BRIP1: variants seen among roughly 807,000 people sequenced by gnomAD.
BRIP1 encodes the protein BRCA1 interacting DNA helicase 1.
A neutral mutation model predicts 119.7 loss-of-function variants in BRIP1; 88 were observed. The observed-to-expected ratio is 0.74, with a 90% CI of 0.62 to 0.88. The LOEUF (loss-of-function observed/expected upper bound fraction) is 0.88. Ranked by LOEUF, BRIP1 falls within the 40% of genes least tolerant of loss-of-function variation. BRIP1 has a pLI of 0.00. For missense variants in BRIP1, 1,259 were observed against 1,455.4 expected (o/e 0.87, Z 2.20); for synonymous variants, 443 against 496.5 (o/e 0.89, Z 1.43).
rs553465508 is a variant in BRIP1 at position 61,815,928 on chromosome 17, C to T, written c.628-7171G>A. ...GCCATCTAAACAGGTACTGAATGCC[C>T]GTTGTGCAAAATCTCACATTAGCAC... On this transcript the variant is annotated intron_variant, in intron 6 of 19. Coordinates refer to ENST00000259008, the MANE Select transcript of BRIP1 (RefSeq NM_032043.3). This position sits in a 1 kb window ranked among gnomAD's most constrained non-coding sequence, Gnocchi z 4.1. Among the ~76,000 whole-genome samples the T allele has an allele frequency of 2.6e-5, 4 of 152,134 alleles. No homozygotes were observed. The highest frequency in any genetic ancestry group is 1.9e-4 in the East Asian group (1 of 5,198).
intron 10 of BRIP1, among the ~76,000 whole-genome samples, chr17:61,791,600 GTCTAGCAGAGAAGT>G (rs2077818858): frequency 6.6e-6 from 1 of 150,486 alleles, no homozygotes; most frequent in Non-Finnish European, 1.5e-5. Flanking sequence ...GAGTCTAAGA[GTCTAGCAGAGAAGT>G]TCCAGGACCC....
chr17:61,847,086 G>A lies in BRIP1; in HGVS notation c.627+15C>T. 6.2e-7 allele frequency: 1 copy of A among 1,613,442 alleles called. No homozygotes were observed. Among genetic ancestry groups the A allele is most frequent in the Non-Finnish European group, 8.5e-7 (1 of 1,179,650 alleles). ...TCTTCCTTCTTTAAAACTGAACAAT[G>A]GCATTAATACATACTTTCTGTGGCG... On this transcript the variant is annotated intron_variant, in intron 6 of 19. Transcript: ENST00000259008.
rs1299632506 is a variant in BRIP1 at position 61,679,209 on chromosome 17, GC to G, written c.*4086del. On this transcript the variant is annotated 3_prime_UTR_variant, in exon 20 of 20. Transcript: ENST00000259008. The surrounding 1 kb of genome is among the most constrained non-coding windows in gnomAD (Gnocchi z 4.4). ...AGTTGCAGAAAAATAACGGGGAAAA[GC>G]TTTTTGTTAAAATTAATGTTTTGAA... Among the ~76,000 whole-genome samples, 2 of 152,106 alleles carry G rather than the reference GC, an allele frequency of 1.3e-5. No homozygotes were observed. The highest frequency in any genetic ancestry group is 2.9e-5 in the Non-Finnish European group (2 of 67,984).
chr17:61,823,546 A>AT lies in BRIP1; in HGVS notation c.628-14790dup, dbSNP rs1347523591. Among the ~76,000 whole-genome samples, 3 of 152,256 alleles carry AT rather than the reference A, an allele frequency of 2.0e-5. No individual in the cohort carries two copies. The highest frequency in any genetic ancestry group is 2.0e-4 in the Admixed American group (3 of 15,286). ...AAATCGGCAATAGAAGGTAGACAAAATGAAGCACAAAGAAGAAAAAATAGC... is the reference window on the plus strand; with the variant it reads ...AAATCGGCAATAGAAGGTAGACAAAATTGAAGCACAAAGAAGAAAAAATAGC... On this transcript the variant is annotated intron_variant, in intron 6 of 19. Coordinates refer to ENST00000259008, the MANE Select transcript of BRIP1 (RefSeq NM_032043.3). The surrounding 1 kb of genome is among the most constrained non-coding windows in gnomAD (Gnocchi z 4.8).
intron 10 of BRIP1, among the ~76,000 whole-genome samples, chr17:61,791,720 C>T (rs7212172): frequency 0.79 from 119,672 of 151,428 alleles, 47,871 homozygotes; most frequent in African/African-American, 0.89. Context: ...GAAGTACAGC[C>T]CAGTGCCAAG....
At position 61,778,593 on chromosome 17, in the gene BRIP1, T is replaced by A. The variant is rs1441667254; in HGVS notation, c.1935+1668A>T. ...TATTATAATTCAGCGACATTATAGG[T>A]TAAATGGACTTTTGTGCAGTAGGCT... is the stretch of plus-strand genomic sequence containing the variant. On this transcript the variant is annotated intron_variant, in intron 13 of 19. Coordinates refer to ENST00000259008, the MANE Select transcript of BRIP1 (RefSeq NM_032043.3). The surrounding 1 kb of genome is among the most constrained non-coding windows in gnomAD (Gnocchi z 4.4). Among the ~76,000 whole-genome samples, 1 of 152,184 alleles carries A rather than the reference T, an allele frequency of 6.6e-6. No individual in the cohort carries two copies. The highest frequency in any genetic ancestry group is 1.5e-5 in the Non-Finnish European group (1 of 68,034).
Position 61,687,124 on chromosome 17 carries a change from C to A in BRIP1, c.2576-959G>T, listed in dbSNP as rs1367706282. Among the ~76,000 whole-genome samples the A allele has an allele frequency of 6.6e-6, 1 of 151,996 alleles. No individual in the cohort carries two copies. Among genetic ancestry groups the A allele is most frequent in the Non-Finnish European group, 1.5e-5 (1 of 68,014 alleles). ...GTGTGGTGGCTCACATGTATAATCC[C>A]AGCATTTGGGGAGGCTGAGGTGGGA... On this transcript the variant is annotated intron_variant, in intron 18 of 19. Transcript: ENST00000259008. The surrounding 1 kb of genome is among the most constrained non-coding windows in gnomAD (Gnocchi z 5.1).
At chr17:61,721,793 G>A (rs1012305940) in intron 16 of BRIP1, among the ~76,000 whole-genome samples, 1 of 147,026 alleles carries the variant, frequency 6.8e-6, no homozygotes, top group Non-Finnish European at 1.5e-5. Context: ...CACCTCCTGG[G>A]TTGAAGTGAT....
intron 16 of BRIP1, among the ~76,000 whole-genome samples, chr17:61,741,098 A>T (rs2076980754): frequency 6.6e-6 from 1 of 152,188 alleles, no homozygotes; most frequent in African/African-American, 2.4e-5. Flanking sequence ...CTTTGTTGTC[A>T]TTTCAACAAT....
rs1363341407 is a variant in BRIP1, at chr17:61,789,469, T to C, written c.1473+4128A>G. Among the ~76,000 whole-genome samples, 1 of 152,132 alleles carries C rather than the reference T, an allele frequency of 6.6e-6. No homozygotes were observed. Among genetic ancestry groups the C allele is most frequent in the East Asian group, 1.9e-4 (1 of 5,200 alleles). On this transcript the variant is annotated intron_variant, in intron 10 of 19. Coordinates refer to ENST00000259008, the MANE Select transcript of BRIP1 (RefSeq NM_032043.3). The surrounding 1 kb of genome is among the most constrained non-coding windows in gnomAD (Gnocchi z 4.8). ...AAATGAATCCAAGGCTTTGTAAAAG[T>C]ATTTATAAATCCCATCCTTTATAAA...
Position 61,846,378 on chromosome 17 carries a change from T to C in BRIP1, c.627+723A>G, listed in dbSNP as rs2078732486. ...AATGTCAAGACAATCCAAAAGGCAA[T>C]AATGTATTTTTTCCTTTTTTTTTTT... On this transcript the variant is annotated intron_variant, in intron 6 of 19. Coordinates refer to ENST00000259008, the MANE Select transcript of BRIP1 (RefSeq NM_032043.3). This position sits in a 1 kb window ranked among gnomAD's most constrained non-coding sequence, Gnocchi z 4.3. Among the ~76,000 whole-genome samples, 1 of 151,542 alleles carries C rather than the reference T, an allele frequency of 6.6e-6. No individual in the cohort carries two copies. Among genetic ancestry groups the C allele is most frequent in the Admixed American group, 6.6e-5 (1 of 15,210 alleles).
chr17:61,744,711 TA>T lies in BRIP1; in HGVS notation c.2098-121del. 6.5e-6 allele frequency: 6 copies of T among 922,032 alleles called. No individual in the cohort carries two copies. The highest frequency in any genetic ancestry group is 1.0e-5 in the Non-Finnish European group (6 of 580,342). 57.1% of individuals were successfully genotyped at this position (922,032 alleles called of 1,614,324 possible). A position where few individuals can be genotyped will look rare whatever the true frequency, so the allele number is the denominator to read the frequency against. ...TAATCTCTCTGTGTCTTTTCTCATTTATAAAATGAGGAAAACAATATATCTC... is the reference window on the plus strand; with the variant it reads ...TAATCTCTCTGTGTCTTTTCTCATTTTAAAATGAGGAAAACAATATATCTC... On this transcript the variant is annotated intron_variant, in intron 14 of 19. Transcript: ENST00000259008. The surrounding 1 kb of genome is among the most constrained non-coding windows in gnomAD (Gnocchi z 5.0).
intron 6 of BRIP1, among the ~76,000 whole-genome samples, chr17:61,837,275 G>T (rs2078589134): frequency 6.6e-6 from 1 of 151,890 alleles, no homozygotes; most frequent in Non-Finnish European, 1.5e-5. Context: ...TTAAATAAAA[G>T]TAAATTAAAA....
In BRIP1 at chr17:61,780,460, G is replaced by T; in HGVS notation, c.1795-59C>A. ...TCTTTAGAAGAGGCTGGGCAAAGTG[G>T]CTCACACCTGTAATCCCAGCACTTT... On this transcript the variant is annotated intron_variant, in intron 12 of 19. Coordinates refer to ENST00000259008, the MANE Select transcript of BRIP1 (RefSeq NM_032043.3). The surrounding 1 kb of genome is among the most constrained non-coding windows in gnomAD (Gnocchi z 5.4). 1.4e-6 allele frequency: 2 copies of T among 1,437,694 alleles called. No homozygotes were observed. The highest frequency in any genetic ancestry group is 1.4e-5 in the African/African-American group (1 of 71,126). 89.1% of individuals were successfully genotyped at this position (1,437,694 alleles called of 1,614,324 possible).
In BRIP1 at chr17:61,707,549, C is replaced by G. The variant is rs116394765; in HGVS notation, c.2492+8402G>C. 4.3e-3 allele frequency among the ~76,000 whole-genome samples: 655 copies of G among 152,166 alleles called. 3 individuals are homozygous for G. Among genetic ancestry groups the G allele is most frequent in the African/African-American group, 0.015 (617 of 41,526 alleles). On this transcript the variant is annotated intron_variant, in intron 17 of 19. Coordinates refer to ENST00000259008, the MANE Select transcript of BRIP1 (RefSeq NM_032043.3). Reference sequence around the variant, plus strand: ...CAGAAGTTGGTTATTGCATACTGATCCTCTAATTTTCTAGTTCTTCTTTCC... The same window carrying G: ...CAGAAGTTGGTTATTGCATACTGATGCTCTAATTTTCTAGTTCTTCTTTCC...
rs1395831586 is a variant in BRIP1, at chr17:61,778,557, C to T, written c.1935+1704G>A. On this transcript the variant is annotated intron_variant, in intron 13 of 19. Coordinates refer to ENST00000259008, the MANE Select transcript of BRIP1 (RefSeq NM_032043.3). The surrounding 1 kb of genome is among the most constrained non-coding windows in gnomAD (Gnocchi z 4.4). ...ATTACAGTGTAACAGAATCCAGCTG[C>T]ACAACTACATTATTATAATTCAGCG... 6.6e-6 allele frequency among the ~76,000 whole-genome samples: 1 copy of T among 152,086 alleles called. No homozygotes were observed. Among genetic ancestry groups the T allele is most frequent in the African/African-American group, 2.4e-5 (1 of 41,414 alleles).
chr17:61,858,058 T>C (rs2078922073), intron 3 of BRIP1, among the ~76,000 whole-genome samples: 1 of 152,186 alleles, frequency 6.6e-6, no homozygotes, highest in Admixed American at 6.5e-5. Flanking sequence ...AAAATACATT[T>C]TAAGGTCAAT....
At chr17:61,714,359 T>C (rs1328970979) in intron 17 of BRIP1, among the ~76,000 whole-genome samples, 1 of 152,184 alleles carries the variant, frequency 6.6e-6, no homozygotes, top group Non-Finnish European at 1.5e-5. Flanking sequence ...CCATATACAT[T>C]TGTACCATTT....
Position 61,701,177 on chromosome 17 carries a change from A to AT in BRIP1, c.2493-7666dup, listed in dbSNP as rs574306923. On this transcript the variant is annotated intron_variant, in intron 17 of 19. Transcript: ENST00000259008. This position sits in a 1 kb window ranked among gnomAD's most constrained non-coding sequence, Gnocchi z 5.1. ...GGTTTCCTCAGGGAGAGTTTCTATTATTTTTTTCTCTTAGTTATACTTTCT... is the reference window on the plus strand; with the variant it reads ...GGTTTCCTCAGGGAGAGTTTCTATTATTTTTTTTCTCTTAGTTATACTTTCT... Among the ~76,000 whole-genome samples the AT allele has an allele frequency of 1.8e-3, 277 of 151,910 alleles. 3 individuals carry two copies. Among genetic ancestry groups the AT allele is most frequent in the African/African-American group, 6.2e-3 (258 of 41,442 alleles).
Sources: allele counts gnomAD v4.1 joint callset (sites outside exome capture counted in the v4.1 genomes callset), GRCh38; gene constraint gnomAD v4.1.1; non-coding constraint Gnocchi (gnomAD v3.1); transcripts MANE v1.5; gene names NCBI Gene and HGNC (gene_info 2026-07-23, HGNC 2026-07-21).